Variants in ILF2 observed in about 807,000 individuals in gnomAD.
The protein encoded by ILF2 is interleukin enhancer binding factor 2, also known as interleukin enhancer-binding factor 2.
Under a neutral mutation model 55.3 loss-of-function variants are expected in ILF2, and 9 were observed. The observed-to-expected ratio is 0.16, with a 90% CI of 0.10 to 0.28. The LOEUF is 0.28. ILF2 is among the 10% of genes least tolerant of loss of function. ILF2 has a pLI of 1.00. For synonymous variants in ILF2, 151 were observed against 161.8 expected (o/e 0.93, Z 0.50); for missense variants, 266 against 474.9 (o/e 0.56, Z 4.09).
chr1:153,663,082 A>G lies in ILF2; in HGVS notation c.858T>C (p.Gly286=). The G allele has an allele frequency of 6.2e-7, 1 of 1,614,080 alleles. No homozygotes were observed. Residue 286 remains glycine (G), a synonymous_variant, in exon 12 of 14, where the codon GGT becomes GGC. Coordinates refer to ENST00000361891, the MANE Select transcript of ILF2 (RefSeq NM_004515.4). ...AAGLFLPGSV[G]ITDPCESGNF... is the part of the protein sequence containing the mutation. ...TGCCACTCTCACAGGGGTCAGTGAT[A>G]CCCACTGAACCTGGCAGGAACAGTC...
Position 153,662,816 on chromosome 1 carries a change from A to T in ILF2, c.922-21T>A, listed in dbSNP as rs1278137485. ...ATGTCCTGAAGGAAAGCAAAGTGAG[A>T]GTAAGCAAGGAAAATCAAAGGACCT... On this transcript the variant is annotated intron_variant, in intron 12 of 13. Transcript: ENST00000361891. The T allele has an allele frequency of 4.4e-6, 7 of 1,599,160 alleles. No homozygotes were observed. In the South Asian group the frequency reaches 7.7e-5, roughly 18 times the overall value.
intron 4 of ILF2, 66 bp from the exon 5 acceptor site, chr1:153,668,143 A>G (rs1669356875): frequency 3.3e-6 from 4 of 1,226,644 alleles, no homozygotes; most frequent in Non-Finnish European, 3.5e-6. Flanking sequence ...GAATTTGAAT[A>G]TTTTCTCCTA....
At chr1:153,663,351 C>T (rs1669222901) in intron 10 of ILF2, 75 bp from the exon 11 acceptor site, 2 of 1,350,556 alleles carry the variant, frequency 1.5e-6, no homozygotes, top group Non-Finnish European at 2.1e-6. Context: ...TTTTTAGAGA[C>T]AGGGCCTCAC....
chr1:153,663,086 A>C lies in ILF2; in HGVS notation c.854T>G (p.Val285Gly). ...LAAGLFLPGS[V>G]GITDPCESGN... ...ACTCTCACAGGGGTCAGTGATACCCACTGAACCTGGCAGGAACAGTCCTGC... is the reference window on the plus strand; with the variant it reads ...ACTCTCACAGGGGTCAGTGATACCCCCTGAACCTGGCAGGAACAGTCCTGC... Residue 285 changes from valine (V) to glycine (G), a missense_variant, in exon 12 of 14, where the codon GTG becomes GGG. Val to Gly is a moderately radical substitution (Grantham distance 109, BLOSUM62 -3). Transcript: ENST00000361891. 1 of 1,614,170 alleles carries C rather than the reference A, an allele frequency of 6.2e-7. No individual in the cohort carries two copies. The highest frequency in any genetic ancestry group is 8.5e-7 in the Non-Finnish European group (1 of 1,180,028).
intron 6 of ILF2, chr1:153,667,188 T>A (rs1669332376): frequency 3.0e-6 from 1 of 328,086 alleles, no homozygotes; most frequent in Admixed American, 4.5e-5. Flanking sequence ...GCTTTCAAGA[T>A]CCGTAAGGGC....
In ILF2 at chr1:153,662,392, A is replaced by T; in HGVS notation, c.*4T>A. 6.2e-7 allele frequency: 1 copy of T among 1,613,882 alleles called. No individual in the cohort carries two copies. Reference sequence around the variant, plus strand: ...CTTGGGTAGGAAAAGGAGTGAAGGGAATGTCACTCCTGAGTTTCCATGCTT... The same window carrying T: ...CTTGGGTAGGAAAAGGAGTGAAGGGTATGTCACTCCTGAGTTTCCATGCTT... On this transcript the variant is annotated 3_prime_UTR_variant, in exon 14 of 14. Coordinates refer to ENST00000361891, the MANE Select transcript of ILF2 (RefSeq NM_004515.4).
intron 8 of ILF2, 136 bp from the exon 9 acceptor site, chr1:153,664,610 C>G (rs535854946): frequency 4.2e-5 from 29 of 690,624 alleles, no homozygotes; most frequent in Admixed American, 1.8e-4. Flanking sequence ...GGCTGGATTG[C>G]GTACAGTGGC....
rs556472496 is a variant in ILF2 at position 153,667,323 on chromosome 1, C to T, written c.394+232G>A. On this transcript the variant is annotated intron_variant, in intron 6 of 13. Coordinates refer to ENST00000361891, the MANE Select transcript of ILF2 (RefSeq NM_004515.4). ...TGAAACCCTGTATCTACAAAAAATACAAAAATTAGCTGGGTGTGGTAGCAC... is the reference window on the plus strand; with the variant it reads ...TGAAACCCTGTATCTACAAAAAATATAAAAATTAGCTGGGTGTGGTAGCAC... 690 of 553,082 alleles carry T rather than the reference C, an allele frequency of 1.2e-3. 3 individuals carry two copies. The highest frequency in any genetic ancestry group is 1.9e-3 in the Non-Finnish European group (591 of 310,970). 34.3% of individuals were successfully genotyped at this position (553,082 alleles called of 1,614,324 possible).
chr1:153,670,087 A>G (rs1355408471), intron 2 of ILF2, 84 bp downstream of exon 2: 1 of 1,414,792 alleles, frequency 7.1e-7, no homozygotes, highest in Admixed American at 1.8e-5. Flanking sequence ...AAACCAAGTG[A>G]CATTAGTCTA....
chr1:153,668,323 G>A (rs1669359633), intron 4 of ILF2, 130 bp downstream of exon 4: 3 of 1,153,028 alleles, frequency 2.6e-6, no homozygotes, highest in Non-Finnish European at 2.5e-6. Flanking sequence ...TGAGAAATAA[G>A]GAGAACAATT....
At chr1:153,664,348 T>C (rs1398323115) in intron 9 of ILF2, 48 bp downstream of exon 9, 1 of 1,433,100 alleles carries the variant, frequency 7.0e-7, no homozygotes, top group African/African-American at 1.4e-5. Flanking sequence ...TGCTATTCAC[T>C]GCAGTTAAAA....
At chr1:153,663,530 G>A (rs1308099824) in intron 10 of ILF2, among the ~76,000 whole-genome samples, 4 of 150,730 alleles carry the variant, frequency 2.7e-5, no homozygotes, top group African/African-American at 9.8e-5. Context: ...ACAGAGTCTC[G>A]CTATTTTGCC....
chr1:153,667,432 T>C (rs1225764243), intron 6 of ILF2, 123 bp downstream of exon 6: 2 of 738,186 alleles, frequency 2.7e-6, no homozygotes, highest in Non-Finnish European at 4.9e-6. Flanking sequence ...TGAGCTACAA[T>C]GGTACCACTG....
chr1:153,665,193 T>G (rs1357134650), intron 8 of ILF2, 27 bp downstream of exon 8: 1 of 1,333,786 alleles, frequency 7.5e-7, no homozygotes, highest in Non-Finnish European at 1.1e-6. Flanking sequence ...CCCTAAATTT[T>G]CCAGCAATGG....
At chr1:153,669,662 A>G (rs1669395101) in intron 3 of ILF2, among the ~76,000 whole-genome samples, 174 bp downstream of exon 3, 1 of 152,138 alleles carries the variant, frequency 6.6e-6, no homozygotes, top group Admixed American at 6.6e-5. Context: ...GCTAGTCTCA[A>G]ACTCCTGACC....
chr1:153,662,592 C>A, intron 13 of ILF2, 36 bp from the exon 14 acceptor site: 5 of 1,595,548 alleles, frequency 3.1e-6, no homozygotes, highest in Non-Finnish European at 3.4e-6. Flanking sequence ...GACGAGTAGC[C>A]CAGCATAAAA....
intron 8 of ILF2, 140 bp from the exon 9 acceptor site, chr1:153,664,614 C>T (rs1042304518): frequency 8.7e-6 from 6 of 692,324 alleles, no homozygotes; most frequent in Non-Finnish European, 1.3e-5. Flanking sequence ...GGATTGCGTA[C>T]AGTGGCGTGA....
intron 5 of ILF2, 106 bp from the exon 6 acceptor site, chr1:153,667,763 T>A: frequency 1.2e-6 from 1 of 807,620 alleles, no homozygotes; most frequent in South Asian, 1.7e-5. Context: ...AATTAAGAAG[T>A]AGCAGAGGTG....
chr1:153,665,602 T>C lies in ILF2; in HGVS notation c.460+61A>G, dbSNP rs116679182. On this transcript the variant is annotated intron_variant, in intron 7 of 13. Transcript: ENST00000361891. ...TGATCTGATTTTGTTGAAAGTGTAC[T>C]TACAATTACAAGACCTGGTTCCTAT... The C allele has an allele frequency of 1.4e-4, 182 of 1,342,988 alleles. 1 individual carries two copies. Among genetic ancestry groups the C allele is most frequent in the Non-Finnish European group, 8.3e-5 (77 of 932,224 alleles). 83.2% of individuals were successfully genotyped at this position (1,342,988 alleles called of 1,614,324 possible).
Sources: gnomAD v4.1 joint callset for allele counts (sites outside exome capture counted in the v4.1 genomes callset) on GRCh38, gnomAD v4.1.1 for gene constraint, MANE v1.5 for transcripts, NCBI Gene and HGNC (gene_info 2026-07-23, HGNC 2026-07-21) for gene names.